The following UGT2A3 variants were observed in gnomAD, a reference collection of about 807,000 sequenced individuals.
UGT2A3 encodes UDP-glucuronosyltransferase 2A3.
In UGT2A3, 55 loss-of-function variants were observed where a neutral mutation model predicts 44.1. The observed-to-expected ratio is 1.25, with a 90% CI of 1.00 to 1.56. The LOEUF (loss-of-function observed/expected upper bound fraction) is 1.56, where lower values mean the gene tolerates loss of function less well. Among genes scored for constraint, UGT2A3 ranks in the 40% most tolerant of loss-of-function variants. UGT2A3 has a pLI of 0.00. For missense variants in UGT2A3, 733 were observed against 621.6 expected (o/e 1.18, Z -1.91); for synonymous variants, 243 against 215.1 (o/e 1.13, Z -1.13).
intron 2 of UGT2A3, among the ~76,000 whole-genome samples, chr4:68,935,335 C>T (rs1717906766): frequency 1.6e-5 from 2 of 122,590 alleles, no homozygotes; most frequent in Admixed American, 1.8e-4. Flanking sequence ...ATATTTGCTT[C>T]CAGAGGAAGA....
chr4:68,929,887 A>C lies in UGT2A3; in HGVS notation c.1510T>G (p.Phe504Val). 1.2e-6 allele frequency: 2 copies of C among 1,612,938 alleles called. No individual in the cohort carries two copies. The highest frequency in any genetic ancestry group is 1.7e-6 in the Non-Finnish European group (2 of 1,179,250). ...AATAAAAAACATTTTGTGAACAAGA[A>C]TATAGCAGTTGCCACACAGGCCAGC... is the stretch of plus-strand genomic sequence containing the variant. ...FLLACVATAI[F>V]LFTKCFLFSC... The change falls in exon 6 of 6, where the codon TTC becomes GTC. Residue 504 changes from phenylalanine to valine, a missense_variant. By Grantham distance (50) the Phe-to-Val change is conservative. Coordinates refer to ENST00000251566, the MANE Select transcript of UGT2A3 (RefSeq NM_024743.4).
At chr4:68,941,780 G>A (rs1243519137) in intron 2 of UGT2A3, among the ~76,000 whole-genome samples, 1 of 151,774 alleles carries the variant, frequency 6.6e-6, no homozygotes, top group South Asian at 2.1e-4. Context: ...AGTCACATCA[G>A]TCAATAAAAA....
chr4:68,934,039 C>A (rs1426411054), intron 2 of UGT2A3, among the ~76,000 whole-genome samples: 2 of 147,456 alleles, frequency 1.4e-5, no homozygotes, highest in African/African-American at 5.0e-5. Flanking sequence ...ATATAAAGAG[C>A]AAGTATTGTT....
chr4:68,936,364 C>G (rs1211777640), intron 2 of UGT2A3, among the ~76,000 whole-genome samples: 3 of 152,076 alleles, frequency 2.0e-5, no homozygotes, highest in African/African-American at 7.2e-5. Flanking sequence ...CAGTGGATCT[C>G]TCAGCAAACC....
chr4:68,932,110 TTAAA>T (rs1717758372), intron 3 of UGT2A3, among the ~76,000 whole-genome samples: 1 of 151,922 alleles, frequency 6.6e-6, no homozygotes, highest in Non-Finnish European at 1.5e-5. Flanking sequence ...ATTACATTAC[TTAAA>T]TAATTGTTAC....
intron 2 of UGT2A3, among the ~76,000 whole-genome samples, chr4:68,938,919 G>GC (rs1191693277): frequency 1.3e-5 from 2 of 152,074 alleles, no homozygotes; most frequent in Admixed American, 6.6e-5. Flanking sequence ...CAGACAAACA[G>GC]CCAAATCATG....
intron 2 of UGT2A3, among the ~76,000 whole-genome samples, chr4:68,942,726 G>A (rs1370727139): frequency 6.6e-6 from 1 of 151,408 alleles, no homozygotes; most frequent in Non-Finnish European, 1.5e-5. Context: ...TATAATTAGA[G>A]AGTAGAATTG....
At chr4:68,943,742 TA>T (rs1718278740) in intron 2 of UGT2A3, among the ~76,000 whole-genome samples, 1 of 151,784 alleles carries the variant, frequency 6.6e-6, no homozygotes, top group Admixed American at 6.6e-5. Context: ...GATTTTTACT[TA>T]CACACTGCCT....
intron 2 of UGT2A3, among the ~76,000 whole-genome samples, chr4:68,938,419 G>A (rs1374484486): frequency 1.3e-5 from 2 of 151,956 alleles, no homozygotes; most frequent in Non-Finnish European, 2.9e-5. Flanking sequence ...ATCAATAAAT[G>A]TAATCCTTCA....
chr4:68,930,759 G>T lies in UGT2A3; in HGVS notation c.1091C>A (p.Pro364His). The change falls in exon 5 of 6, where the codon CCC (proline) becomes CAC (histidine). Residue 364 changes from proline (P) to histidine (H), a missense_variant. Pro to His is a moderately conservative substitution (Grantham distance 77, BLOSUM62 -2). Coordinates refer to ENST00000251566, the MANE Select transcript of UGT2A3 (RefSeq NM_024743.4). ...WIPQNDLLGHPKTKAFITHGG... is the reference protein window; with the variant it reads ...WIPQNDLLGHHKTKAFITHGG... ...ATGAGTGATAAAAGCTTTGGTTTTG[G>T]GATGACCTAGTATGTAAATTGGATG... The T allele has an allele frequency of 6.3e-7, 1 of 1,590,640 alleles. No homozygotes were observed. Among genetic ancestry groups the T allele is most frequent in the South Asian group, 1.2e-5 (1 of 86,878 alleles).
chr4:68,931,355 C>T lies in UGT2A3; in HGVS notation c.997-113G>A, dbSNP rs1577843923. 5.0e-6 allele frequency: 4 copies of T among 806,510 alleles called. No homozygotes were observed. The East Asian group carries it at 1.1e-4, about 22-fold the overall frequency. The allele number at this position is 806,510 out of a possible 1,614,324, so 50.0% of individuals were successfully genotyped here. A position where few individuals can be genotyped will look rare whatever the true frequency, so the allele number is the denominator to read the frequency against. ...ATTGTACTTCAGGTGATGGTTGAGA[C>T]AGGGGTGTGTAGAGCTACCGCGTAA... On this transcript the variant is annotated intron_variant, in intron 3 of 5. Coordinates refer to ENST00000251566, the MANE Select transcript of UGT2A3 (RefSeq NM_024743.4).
Position 68,930,742 on chromosome 4 carries a change from T to C in UGT2A3, c.1108A>G (p.Ile370Val). ...LLGHPKTKAF[I>V]THGGMNGIYE... ...ATCCCATTCATTCCACCATGAGTGA[T>C]AAAAGCTTTGGTTTTGGGATGACCT... Residue 370 changes from isoleucine to valine, a missense_variant, in exon 5 of 6, where the codon ATC (isoleucine) becomes GTC (valine). Physicochemically the swap from Ile to Val is conservative, Grantham distance 29 (BLOSUM62 3). Transcript: ENST00000251566. 1.2e-6 allele frequency: 2 copies of C among 1,601,956 alleles called. No individual in the cohort carries two copies. Among genetic ancestry groups the C allele is most frequent in the Non-Finnish European group, 1.7e-6 (2 of 1,175,952 alleles).
intron 5 of UGT2A3, among the ~76,000 whole-genome samples, 167 bp downstream of exon 5, chr4:68,930,379 T>A (rs947681830): frequency 2.6e-5 from 4 of 152,036 alleles, no homozygotes; most frequent in African/African-American, 7.2e-5. Flanking sequence ...AGTTTGACAC[T>A]CTATGAACTA....
intron 1 of UGT2A3, among the ~76,000 whole-genome samples, chr4:68,947,207 C>G (rs560416086): frequency 6.0e-4 from 91 of 151,790 alleles, no homozygotes; most frequent in African/African-American, 2.1e-3. Context: ...CTTGATGCTG[C>G]CTTATCTACT....
chr4:68,930,459 T>C, intron 5 of UGT2A3, 87 bp downstream of exon 5: 1 of 1,252,448 alleles, frequency 8.0e-7, no homozygotes, highest in South Asian at 1.6e-5. Flanking sequence ...TCCCTCAACA[T>C]GTCTACCAGG....
At chr4:68,945,268 C>T (rs1718341080) in intron 2 of UGT2A3, 38 bp downstream of exon 2, 4 of 1,606,456 alleles carry the variant, frequency 2.5e-6, no homozygotes, top group Non-Finnish European at 2.6e-6. Flanking sequence ...CAAGTCATGT[C>T]ATAAAGTACA....
chr4:68,951,402 G>A lies in UGT2A3; in HGVS notation c.359C>T (p.Thr120Ile). 1 of 1,611,906 alleles carries A rather than the reference G, an allele frequency of 6.2e-7. No homozygotes were observed. The highest frequency in any genetic ancestry group is 8.5e-7 in the Non-Finnish European group (1 of 1,179,098). Residue 120 changes from threonine to isoleucine, a missense_variant, in exon 1 of 6, where the codon ACT becomes ATT. Physicochemically the swap from Thr to Ile is moderately conservative, Grantham distance 89. Transcript: ENST00000251566. ...AAAGCTCTCACACATCATTTTTAAA[G>A]TTCCTCTTATTTCAACAAAAAAATC... is the stretch of plus-strand genomic sequence containing the variant. Reference protein sequence around the residue: ...LNDFFVEIRGTLKMMCESFIY... With the variant: ...LNDFFVEIRGILKMMCESFIY...
Position 68,944,560 on chromosome 4 carries a change from CA to C in UGT2A3, c.864+745del, listed in dbSNP as rs1718312910. Among the ~76,000 whole-genome samples, 4 of 151,876 alleles carry C rather than the reference CA, an allele frequency of 2.6e-5. No individual in the cohort carries two copies. The South Asian group carries it at 8.3e-4, about 31-fold the overall frequency. On this transcript the variant is annotated intron_variant, in intron 2 of 5. Coordinates refer to ENST00000251566, the MANE Select transcript of UGT2A3 (RefSeq NM_024743.4). ...TCTGATGATTTAGGAATATAGTATA[CA>C]ATTTTATTTTCACTCCAAAAGAAAC...
At chr4:68,948,361 T>C (rs958189476) in intron 1 of UGT2A3, among the ~76,000 whole-genome samples, 2 of 151,816 alleles carry the variant, frequency 1.3e-5, no homozygotes, top group Admixed American at 1.3e-4. Flanking sequence ...AACGCTTTAC[T>C]ATGTATTAGT....
Sources: gnomAD v4.1 joint callset for allele counts (sites outside exome capture counted in the v4.1 genomes callset) on GRCh38, gnomAD v4.1.1 for gene constraint, MANE v1.5 for transcripts, NCBI Gene and HGNC (gene_info 2026-07-23, HGNC 2026-07-21) for gene names.